KCNMA1: variants seen among roughly 807,000 people sequenced by gnomAD.
KCNMA1 encodes the protein Calcium-activated potassium channel subunit alpha-1.
A neutral mutation model predicts 140.0 loss-of-function variants in KCNMA1; 29 were observed. That is an observed-to-expected ratio of 0.21 (90% CI 0.15 to 0.28). KCNMA1 has a LOEUF of 0.28. Ranked by LOEUF, KCNMA1 falls within the 10% of genes least tolerant of loss-of-function variation. The probability of loss-of-function intolerance (pLI) is 1.00; values close to 1 mark genes in which losing one functional copy is unlikely to be tolerated. For missense variants in KCNMA1, 880 were observed against 1,602.2 expected (o/e 0.55, Z 7.70); for synonymous variants, 612 against 611.9 (o/e 1.00, Z 0.00).
At chr10:77,302,738 A>T (rs647778) in intron 2 of KCNMA1, among the ~76,000 whole-genome samples, 1 of 151,918 alleles carries the variant, frequency 6.6e-6, no homozygotes, top group Non-Finnish European at 1.5e-5. Flanking sequence ...CAGAAAGGGG[A>T]TGGATACTGA....
chr10:77,461,990 GAC>G (rs2097879748), intron 1 of KCNMA1, among the ~76,000 whole-genome samples: 1 of 151,958 alleles, frequency 6.6e-6, no homozygotes, highest in Non-Finnish European at 1.5e-5. Flanking sequence ...CATGCTCACA[GAC>G]ACACAAATTC....
chr10:77,218,427 G>A (rs2048487930), intron 3 of KCNMA1, among the ~76,000 whole-genome samples: 1 of 152,136 alleles, frequency 6.6e-6, no homozygotes, highest in Admixed American at 6.5e-5. Context: ...TCCCACTGGG[G>A]AATAACTCAC....
intron 1 of KCNMA1, among the ~76,000 whole-genome samples, chr10:77,630,525 G>A (rs967795789): frequency 6.6e-6 from 1 of 152,146 alleles, no homozygotes; most frequent in African/African-American, 2.4e-5. Context: ...AGCTACCCTG[G>A]TCTGAAAGGA....
chr10:77,388,224 T>A (rs1161851898), intron 2 of KCNMA1, among the ~76,000 whole-genome samples: 1 of 152,224 alleles, frequency 6.6e-6, no homozygotes, highest in Non-Finnish European at 1.5e-5. Flanking sequence ...AAATAAGAAC[T>A]GGTATGAAGG....
intron 1 of KCNMA1, among the ~76,000 whole-genome samples, chr10:77,476,728 T>C (rs1470765077): frequency 1.3e-5 from 2 of 152,212 alleles, no homozygotes; most frequent in African/African-American, 2.4e-5. Flanking sequence ...GCTCTTATGA[T>C]GAAAGCTCAG....
At chr10:77,559,304 C>T (rs1322081378) in intron 1 of KCNMA1, among the ~76,000 whole-genome samples, 1 of 152,222 alleles carries the variant, frequency 6.6e-6, no homozygotes, top group Non-Finnish European at 1.5e-5. Context: ...TACCACCACC[C>T]AGCCTCTACA....
intron 2 of KCNMA1, among the ~76,000 whole-genome samples, chr10:77,356,313 G>A (rs2093475625): frequency 6.6e-6 from 1 of 152,144 alleles, no homozygotes; most frequent in Non-Finnish European, 1.5e-5. Flanking sequence ...GAAGCTACAG[G>A]AATTTCACTA....
At chr10:77,548,824 T>C (rs2062036824) in intron 1 of KCNMA1, among the ~76,000 whole-genome samples, 1 of 152,220 alleles carries the variant, frequency 6.6e-6, no homozygotes, top group Non-Finnish European at 1.5e-5. Flanking sequence ...CAAGTAATTA[T>C]TGGGCATCTA....
intron 1 of KCNMA1, among the ~76,000 whole-genome samples, chr10:77,457,585 T>G (rs560999149): frequency 3.3e-5 from 5 of 152,200 alleles, no homozygotes; most frequent in African/African-American, 1.2e-4. Flanking sequence ...CTGGGCTGCC[T>G]CTCCATTTTT....
intron 9 of KCNMA1, among the ~76,000 whole-genome samples, chr10:77,107,332 C>T (rs1308180153): frequency 6.6e-6 from 1 of 152,318 alleles, no homozygotes; most frequent in East Asian, 1.9e-4. Context: ...TTTCTGTGTC[C>T]TGATCCGGAT....
At chr10:77,481,458 G>T (rs1422822178) in intron 1 of KCNMA1, among the ~76,000 whole-genome samples, 2 of 151,900 alleles carry the variant, frequency 1.3e-5, no homozygotes, top group East Asian at 3.9e-4. Flanking sequence ...AGTAATGAAT[G>T]ATATTAACAA....
downstream of KCNMA1, chr10:76,874,093 G>A (rs2031910129): frequency 6.6e-6 from 1 of 152,132 alleles, no homozygotes; most frequent in Admixed American, 6.5e-5. Context: ...GGAAGGCAGG[G>A]ATGAAACTGA....
chr10:77,418,453 A>T, intron 1 of KCNMA1, among the ~76,000 whole-genome samples: 1 of 152,060 alleles, frequency 6.6e-6, no homozygotes, highest in East Asian at 1.9e-4. Flanking sequence ...TTTGCCTAAC[A>T]TGGTTGAGGA....
chr10:77,543,928 T>A (rs1250590571), intron 1 of KCNMA1, among the ~76,000 whole-genome samples: 1 of 152,216 alleles, frequency 6.6e-6, no homozygotes, highest in Non-Finnish European at 1.5e-5. Flanking sequence ...AATGACTCCA[T>A]CTTCTTAAAA....
At chr10:77,360,260 C>G (rs2093834263) in intron 2 of KCNMA1, among the ~76,000 whole-genome samples, 1 of 152,180 alleles carries the variant, frequency 6.6e-6, no homozygotes, top group East Asian at 1.9e-4. Flanking sequence ...GATTCCAGGG[C>G]AGCCTGCAAA....
chr10:77,582,433 G>T (rs1005315634), intron 1 of KCNMA1, among the ~76,000 whole-genome samples: 1 of 152,250 alleles, frequency 6.6e-6, no homozygotes, highest in African/African-American at 2.4e-5. Context: ...TTAGGGACCT[G>T]AAGAAATGCT....
intron 2 of KCNMA1, among the ~76,000 whole-genome samples, chr10:77,301,377 CA>C (rs2154332555): frequency 6.6e-6 from 1 of 152,246 alleles, no homozygotes; most frequent in South Asian, 2.1e-4. Flanking sequence ...GCTGAGAATG[CA>C]AGATAACTTT....
intron 2 of KCNMA1, among the ~76,000 whole-genome samples, chr10:77,295,269 T>C (rs1276856720): frequency 5.4e-5 from 8 of 148,652 alleles, no homozygotes; most frequent in African/African-American, 2.0e-4. Context: ...ATCACTTGAA[T>C]CCCGGAGGCA....
At chr10:77,390,387 G>C (rs1477766640) in intron 2 of KCNMA1, among the ~76,000 whole-genome samples, 3 of 152,200 alleles carry the variant, frequency 2.0e-5, no homozygotes, top group Admixed American at 2.0e-4. Flanking sequence ...AGACCAAGGT[G>C]AGTAAACTGT....
Sources: gnomAD v4.1 joint callset for allele counts (sites outside exome capture counted in the v4.1 genomes callset) on GRCh38, gnomAD v4.1.1 for gene constraint, MANE v1.5 for transcripts, NCBI Gene and HGNC (gene_info 2026-07-23, HGNC 2026-07-21) for gene names.